PSIP1: variants seen among roughly 807,000 people sequenced by gnomAD.
PSIP1 encodes PC4 and SRSF1 interacting protein 1, also known as PC4 and SFRS1-interacting protein.
Under a neutral mutation model 74.7 loss-of-function variants are expected in PSIP1, and 19 were observed. The ratio of observed to expected loss-of-function variants is 0.25; its 90% CI spans 0.18 to 0.37. PSIP1 has a LOEUF of 0.37. Among genes scored for constraint, PSIP1 ranks in the 10% least tolerant of loss-of-function variants. The probability of loss-of-function intolerance (pLI) is 1.00; values close to 1 mark genes in which losing one functional copy is unlikely to be tolerated. For synonymous variants in PSIP1, 222 were observed against 195.3 expected (o/e 1.14, Z -1.14); for missense variants, 601 against 614.3 (o/e 0.98, Z 0.23).
At chr9:15,467,407 C>T (rs2035684334) in intron 14 of PSIP1, among the ~76,000 whole-genome samples, 1 of 152,206 alleles carries the variant, frequency 6.6e-6, no homozygotes, top group Admixed American at 6.5e-5. Flanking sequence ...CAACCGACTG[C>T]TTTTGAAATG....
At chr9:15,505,603 G>T (rs1177129157) in intron 3 of PSIP1, 1 of 152,188 alleles carries the variant, frequency 6.6e-6, no homozygotes, top group Non-Finnish European at 1.5e-5. Flanking sequence ...ACTAGTGGTT[G>T]TTTACGGTTG....
chr9:15,484,482 T>C (rs1192017605), intron 6 of PSIP1, among the ~76,000 whole-genome samples: 1 of 151,666 alleles, frequency 6.6e-6, no homozygotes, highest in Non-Finnish European at 1.5e-5. Context: ...ACCAGCACTT[T>C]GGGAGGCCGA....
intron 3 of PSIP1, among the ~76,000 whole-genome samples, chr9:15,503,514 A>G (rs1333662111): frequency 2.6e-5 from 4 of 151,988 alleles, no homozygotes; most frequent in African/African-American, 9.7e-5. Context: ...TAATAATAAA[A>G]AATACAAAAA....
At chr9:15,492,208 T>A (rs1300772715) in intron 3 of PSIP1, 1 of 152,232 alleles carries the variant, frequency 6.6e-6, no homozygotes, top group East Asian at 1.9e-4. Flanking sequence ...GCAAGGCAAG[T>A]CTCTTCCACC....
intron 8 of PSIP1, among the ~76,000 whole-genome samples, chr9:15,475,961 GATT>G (rs2036057499): frequency 6.6e-6 from 1 of 152,118 alleles, no homozygotes; most frequent in Admixed American, 6.6e-5. Context: ...CATTTCTGAG[GATT>G]ATGAGTTGGT....
At position 15,466,795 on chromosome 9, in the gene PSIP1, C is replaced by T; in HGVS notation, c.1485G>A (p.Glu495=). The change falls in exon 15 of 16, where the codon GAG becomes GAA. Residue 495 remains glutamate, a synonymous_variant. Coordinates refer to ENST00000380733, the MANE Select transcript of PSIP1 (RefSeq NM_033222.5). ...QDGNQPQHNG[E]SNEDSKDNHE... is the part of the protein sequence containing the mutation. ...GGTTGTCTTTGCTGTCTTCATTGCT[C>T]TCCCCGTTATGTTGTGGCTGATTAC... The T allele has an allele frequency of 3.7e-6, 6 of 1,613,594 alleles. No homozygotes were observed. The highest frequency in any genetic ancestry group is 5.1e-6 in the Non-Finnish European group (6 of 1,179,832).
Position 15,464,697 on chromosome 9 carries a change from TAAACTTACTTAG to T in PSIP1, c.*811_*822del, listed in dbSNP as rs1563860736. ...CATTTTTAACAACATTCCTCAAAAATAAACTTACTTAGTTTTCAGTTTTAGTTACTAGTGCCT... is the reference window on the plus strand; with the variant it reads ...CATTTTTAACAACATTCCTCAAAAATTTTTCAGTTTTAGTTACTAGTGCCT... On this transcript the variant is annotated 3_prime_UTR_variant, in exon 16 of 16. Coordinates refer to ENST00000380733, the MANE Select transcript of PSIP1 (RefSeq NM_033222.5). 5.0e-6 allele frequency: 1 copy of T among 198,762 alleles called. No homozygotes were observed. Among genetic ancestry groups the T allele is most frequent in the Admixed American group, 6.0e-5 (1 of 16,564 alleles). The allele number at this position is 198,762 out of a possible 1,614,324, so 12.3% of individuals were successfully genotyped here. A position where few individuals can be genotyped will look rare whatever the true frequency, so the allele number is the denominator to read the frequency against.
intron 10 of PSIP1, chr9:15,471,912 AAAG>A: frequency 4.1e-6 from 4 of 982,826 alleles, no homozygotes; most frequent in Non-Finnish European, 4.8e-6. Flanking sequence ...CTTCACGAGA[AAAG>A]AAAAGCATGT....
chr9:15,478,124 C>CT (rs1294925807), intron 8 of PSIP1, among the ~76,000 whole-genome samples: 4 of 108,550 alleles, frequency 3.7e-5, no homozygotes, highest in Middle Eastern at 6.0e-3. Flanking sequence ...GAAACCCCAT[C>CT]TTTAAAAAAA....
intron 1 of PSIP1, among the ~76,000 whole-genome samples, chr9:15,510,590 C>T (rs966649028): frequency 6.6e-6 from 1 of 152,076 alleles, no homozygotes; most frequent in Non-Finnish European, 1.5e-5. Context: ...CTTTTTCCAC[C>T]GAGCTTAAGC....
At chr9:15,488,767 A>G (rs764852470) in intron 4 of PSIP1, among the ~76,000 whole-genome samples, 6 of 151,932 alleles carry the variant, frequency 3.9e-5, no homozygotes, top group South Asian at 2.1e-4. Flanking sequence ...CAGGCCTGTA[A>G]TCCCAACACT....
intron 14 of PSIP1, among the ~76,000 whole-genome samples, chr9:15,467,540 T>C (rs563075179): frequency 2.0e-5 from 3 of 152,256 alleles, no homozygotes; most frequent in African/African-American, 7.2e-5. Context: ...ATGAGTGAAA[T>C]GGTATGTCAG....
At position 15,486,720 on chromosome 9, in the gene PSIP1, T is replaced by C. The variant is rs1018574915; in HGVS notation, c.393+107A>G. ...AGCCTTAAATATTTTCTAATTCACT[T>C]TTGAAGTACTTTAAAAATTACTTAC... On this transcript the variant is annotated intron_variant, in intron 5 of 15. Coordinates refer to ENST00000380733, the MANE Select transcript of PSIP1 (RefSeq NM_033222.5). 8 of 779,092 alleles carry C rather than the reference T, an allele frequency of 1.0e-5. No homozygotes were observed. The African/African-American group carries it at 1.4e-4, about 14-fold the overall frequency. 48.3% of individuals were successfully genotyped at this position (779,092 alleles called of 1,614,324 possible).
chr9:15,501,856 T>C (rs1203615871), intron 3 of PSIP1, among the ~76,000 whole-genome samples: 1 of 147,408 alleles, frequency 6.8e-6, no homozygotes. Flanking sequence ...TATATATATA[T>C]ATATATATAT....
chr9:15,471,988 C>CAAATAAA, intron 10 of PSIP1: 1 of 973,726 alleles, frequency 1.0e-6, no homozygotes, highest in Non-Finnish European at 1.2e-6. Context: ...AATAAAGACA[C>CAAATAAA]GAAGTCTGTT....
chr9:15,510,300 A>C lies in PSIP1; in HGVS notation c.-112T>G. On this transcript the variant is annotated 5_prime_UTR_variant, in exon 2 of 16. Transcript: ENST00000380733. ...CAGCTACCGGGCCCGCGGGCGGGGG[A>C]GGATGCCTCGGGGCGTCCCGACGCG... The C allele has an allele frequency of 2.6e-6, 2 of 759,948 alleles. No homozygotes were observed. Among genetic ancestry groups the C allele is most frequent in the South Asian group, 4.0e-5 (2 of 49,784 alleles). 47.1% of individuals were successfully genotyped at this position (759,948 alleles called of 1,614,324 possible). A position where few individuals can be genotyped will look rare whatever the true frequency, so the allele number is the denominator to read the frequency against.
intron 10 of PSIP1, chr9:15,472,285 T>C: frequency 2.0e-6 from 2 of 1,007,846 alleles, no homozygotes; most frequent in Non-Finnish European, 2.4e-6. Context: ...GCATTCTTTG[T>C]CTACCAGTAT....
chr9:15,495,337 C>T (rs2037025771), intron 3 of PSIP1, among the ~76,000 whole-genome samples: 1 of 151,736 alleles, frequency 6.6e-6, no homozygotes, highest in Non-Finnish European at 1.5e-5. Context: ...TTCTTAACCT[C>T]AAAAAAAGCA....
chr9:15,486,689 G>C, intron 5 of PSIP1, 138 bp downstream of exon 5: 1 of 651,806 alleles, frequency 1.5e-6, no homozygotes, highest in East Asian at 2.9e-5. Flanking sequence ...TTTACACAAG[G>C]AAATAAGCCT....
Sources: gnomAD v4.1 joint callset for allele counts (sites outside exome capture counted in the v4.1 genomes callset) on GRCh38, gnomAD v4.1.1 for gene constraint, MANE v1.5 for transcripts, NCBI Gene and HGNC (gene_info 2026-07-23, HGNC 2026-07-21) for gene names.